PAK2: variants seen among roughly 807,000 people sequenced by gnomAD.
The protein encoded by PAK2 is serine/threonine-protein kinase PAK 2.
Under a neutral mutation model 65.9 loss-of-function variants are expected in PAK2, and 21 were observed. The observed-to-expected ratio is 0.32, with a 90% CI of 0.23 to 0.46. The LOEUF is 0.46. Ranked by LOEUF, PAK2 falls within the 20% of genes least tolerant of loss-of-function variation. The pLI is 1.00. For synonymous variants in PAK2, 204 were observed against 219.7 expected (o/e 0.93, Z 0.63); for missense variants, 324 against 642.6 (o/e 0.50, Z 5.36).
intron 7 of PAK2, among the ~76,000 whole-genome samples, chr3:196,808,557 C>CAAA (rs1208200034): frequency 3.0e-4 from 17 of 56,576 alleles, no homozygotes; most frequent in Middle Eastern, 0.014. Flanking sequence ...GACTCCATCT[C>CAAA]AAAAAAAAAA....
intron 2 of PAK2, among the ~76,000 whole-genome samples, chr3:196,783,619 A>G (rs1007760481): frequency 6.6e-6 from 1 of 151,688 alleles, no homozygotes; most frequent in African/African-American, 2.4e-5. Flanking sequence ...ATATGTGTAT[A>G]TAAAACATCC....
chr3:196,807,395 G>A (rs1205380472), intron 6 of PAK2, among the ~76,000 whole-genome samples: 3 of 151,988 alleles, frequency 2.0e-5, no homozygotes, highest in African/African-American at 4.8e-5. Context: ...AACTTTCATG[G>A]GAATTAATAA....
intron 4 of PAK2, among the ~76,000 whole-genome samples, chr3:196,803,463 C>G (rs1377283816): frequency 6.6e-6 from 1 of 152,092 alleles, no homozygotes; most frequent in Non-Finnish European, 1.5e-5. Context: ...TCACTCTTCA[C>G]TGCTTTTAAA....
At chr3:196,768,433 A>G (rs1010504836) in intron 1 of PAK2, among the ~76,000 whole-genome samples, 2 of 151,430 alleles carry the variant, frequency 1.3e-5, no homozygotes, top group African/African-American at 2.4e-5. Flanking sequence ...ACTGTTTTTT[A>G]TACTTCTTAG....
intron 3 of PAK2, 57 bp from the exon 4 acceptor site, chr3:196,802,960 A>G (rs1268699848): frequency 5.1e-6 from 6 of 1,181,866 alleles, no homozygotes; most frequent in Non-Finnish European, 7.0e-6. Flanking sequence ...ATCTCTGGAA[A>G]TTAATTTTAT....
At chr3:196,747,076 A>G (rs1250355546) in intron 1 of PAK2, 2 of 150,504 alleles carry the variant, frequency 1.3e-5, no homozygotes, top group Non-Finnish European at 3.0e-5. Context: ...GGTTTTTTTT[A>G]CTAACCAGCT....
intron 13 of PAK2, among the ~76,000 whole-genome samples, chr3:196,826,885 C>T (rs183372194): frequency 6.6e-6 from 1 of 151,958 alleles, no homozygotes; most frequent in African/African-American, 2.4e-5. Context: ...TGCACCACTG[C>T]ACTCCAGCCT....
chr3:196,750,557 A>G (rs566527587), intron 1 of PAK2, among the ~76,000 whole-genome samples: 1 of 152,150 alleles, frequency 6.6e-6, no homozygotes, highest in Admixed American at 6.5e-5. Flanking sequence ...TTTGCATCTT[A>G]TATTTTGCTT....
intron 13 of PAK2, among the ~76,000 whole-genome samples, chr3:196,822,204 A>G (rs1577751590): frequency 6.6e-6 from 1 of 152,218 alleles, no homozygotes; most frequent in African/African-American, 2.4e-5. Context: ...TGGTTTGGGT[A>G]CCTGCCATGC....
chr3:196,800,378 T>C (rs994110378), intron 2 of PAK2, among the ~76,000 whole-genome samples: 3 of 152,078 alleles, frequency 2.0e-5, no homozygotes, highest in African/African-American at 7.2e-5. Context: ...TGAGACTCCC[T>C]GTTAAAAAAG....
At chr3:196,774,583 A>G (rs1577713061) in intron 1 of PAK2, among the ~76,000 whole-genome samples, 2 of 152,320 alleles carry the variant, frequency 1.3e-5, no homozygotes, top group African/African-American at 2.4e-5. Context: ...TTAGGCCAGG[A>G]AAGTCTTTGG....
chr3:196,805,986 A>G (rs950047534), intron 5 of PAK2, among the ~76,000 whole-genome samples: 1 of 151,684 alleles, frequency 6.6e-6, no homozygotes, highest in East Asian at 1.9e-4. Context: ...ATCTTGGCTC[A>G]CTGCACGCAC....
chr3:196,769,055 T>C (rs1025427711), intron 1 of PAK2, among the ~76,000 whole-genome samples: 1 of 152,036 alleles, frequency 6.6e-6, no homozygotes, highest in African/African-American at 2.4e-5. Flanking sequence ...AGCTGGGCAC[T>C]GTAGTGCACA....
chr3:196,810,829 C>T (rs1715754435), intron 8 of PAK2, among the ~76,000 whole-genome samples, 176 bp downstream of exon 8: 2 of 151,994 alleles, frequency 1.3e-5, no homozygotes, highest in South Asian at 2.1e-4. Context: ...TGTTAAAAAA[C>T]TGTACTAGTT....
chr3:196,748,375 C>T (rs1026877704), intron 1 of PAK2, among the ~76,000 whole-genome samples: 2 of 152,154 alleles, frequency 1.3e-5, no homozygotes, highest in Non-Finnish European at 2.9e-5. Context: ...AGGGTTTGCT[C>T]GTATGGTATT....
chr3:196,767,241 A>T (rs1408354025), intron 1 of PAK2, among the ~76,000 whole-genome samples: 1 of 152,050 alleles, frequency 6.6e-6, no homozygotes, highest in East Asian at 1.9e-4. Flanking sequence ...CCTAGTGCAT[A>T]TATCTTTTTG....
chr3:196,795,597 A>G (rs1166798056), intron 2 of PAK2, among the ~76,000 whole-genome samples: 6 of 152,222 alleles, frequency 3.9e-5, no homozygotes, highest in Admixed American at 3.9e-4. Flanking sequence ...TTTAAGTAAC[A>G]GTGCAAGCCA....
intron 1 of PAK2, among the ~76,000 whole-genome samples, chr3:196,750,470 A>G (rs998843301): frequency 2.6e-5 from 4 of 152,192 alleles, no homozygotes; most frequent in Non-Finnish European, 4.4e-5. Flanking sequence ...TGTAAATTCT[A>G]CACTGCTCAA....
chr3:196,827,484 T>C (rs2108778608), intron 14 of PAK2, 151 bp downstream of exon 14: 1 of 1,456,602 alleles, frequency 6.9e-7, no homozygotes, highest in East Asian at 2.5e-5. Context: ...CCTACCATGC[T>C]GAGCAAACTA....
Sources: gnomAD v4.1 joint callset for allele counts (sites outside exome capture counted in the v4.1 genomes callset) on GRCh38, gnomAD v4.1.1 for gene constraint, MANE v1.5 for transcripts, NCBI Gene and HGNC (gene_info 2026-07-23, HGNC 2026-07-21) for gene names.